TDRD5: variants seen among roughly 807,000 people sequenced by gnomAD.
TDRD5 encodes tudor domain containing 5, also known as tudor domain-containing protein 5.
TDRD5 carries 41 observed loss-of-function variants against 120.6 expected under a neutral mutation model. That is an observed-to-expected ratio of 0.34 (90% CI 0.26 to 0.44). TDRD5 has a LOEUF of 0.44. Among genes scored for constraint, TDRD5 ranks in the 20% least tolerant of loss-of-function variants. TDRD5 has a pLI of 1.00. For synonymous variants in TDRD5, 430 were observed against 433.7 expected (o/e 0.99, Z 0.11); for missense variants, 1,006 against 1,221.2 (o/e 0.82, Z 2.63).
chr1:179,663,944 C>T (rs1679441433), intron 16 of TDRD5, among the ~76,000 whole-genome samples: 1 of 152,154 alleles, frequency 6.6e-6, no homozygotes, highest in African/African-American at 2.4e-5. Flanking sequence ...AAGCAGTAAT[C>T]CTGGCATAGA....
At chr1:179,679,778 C>T (rs1396351455) in intron 17 of TDRD5, among the ~76,000 whole-genome samples, 1 of 151,826 alleles carries the variant, frequency 6.6e-6, no homozygotes, top group Non-Finnish European at 1.5e-5. Context: ...TCTCAAATAA[C>T]CAGATTTTTG....
chr1:179,628,333 T>C (rs1188177694), intron 6 of TDRD5, among the ~76,000 whole-genome samples: 15 of 140,386 alleles, frequency 1.1e-4, no homozygotes, highest in Admixed American at 8.4e-4. Context: ...TCTTTTTTTT[T>C]TTTTTTTTTT....
chr1:179,634,362 G>C, intron 7 of TDRD5, 95 bp from the exon 8 acceptor site: 1 of 1,317,692 alleles, frequency 7.6e-7, no homozygotes, highest in Non-Finnish European at 1.0e-6. Flanking sequence ...AAGGTGCTTA[G>C]TAATGGTTGT....
chr1:179,600,082 G>A (rs1274400186), intron 4 of TDRD5, among the ~76,000 whole-genome samples: 2 of 152,038 alleles, frequency 1.3e-5, no homozygotes, highest in African/African-American at 2.4e-5. Context: ...CAGAAGGAAG[G>A]CATTGTTATC....
chr1:179,592,415 C>T (rs1396947062), intron 1 of TDRD5, 187 bp from the exon 2 acceptor site: 20 of 553,398 alleles, frequency 3.6e-5, no homozygotes, highest in Non-Finnish European at 9.7e-6. Context: ...GCTTAATCAA[C>T]GCAGGTGGAG....
At chr1:179,667,162 T>C (rs1303102353) in intron 16 of TDRD5, among the ~76,000 whole-genome samples, 2 of 152,196 alleles carry the variant, frequency 1.3e-5, no homozygotes, top group Admixed American at 1.3e-4. Flanking sequence ...CACTTTTGAG[T>C]AGTAAGGCTC....
chr1:179,607,197 T>G (rs1469558187), intron 4 of TDRD5, among the ~76,000 whole-genome samples: 1 of 152,162 alleles, frequency 6.6e-6, no homozygotes, highest in East Asian at 1.9e-4. Context: ...GGAGTGCTAA[T>G]GTAAATAGTA....
intron 16 of TDRD5, among the ~76,000 whole-genome samples, 159 bp from the exon 17 acceptor site, chr1:179,669,035 C>T (rs1234010306): frequency 6.6e-6 from 1 of 151,942 alleles, no homozygotes; most frequent in Non-Finnish European, 1.5e-5. Flanking sequence ...TGAGCCACCG[C>T]GCCCGGCTGA....
chr1:179,620,791 G>A (rs1676798180), intron 5 of TDRD5, among the ~76,000 whole-genome samples: 1 of 152,018 alleles, frequency 6.6e-6, no homozygotes, highest in Non-Finnish European at 1.5e-5. Flanking sequence ...CTGGAGAGTT[G>A]TGGTATTGCA....
In TDRD5 at chr1:179,669,392, C is replaced by T. The variant is rs1679739380; in HGVS notation, c.2848C>T (p.Pro950Ser). ...TGCAGTGGATGATTCCGCAGAAAAG[C>T]CCTCTGGTTCTGGTATGTTTGTGTG... ...TTAVDDSAEK[P>S]SGSVESSPEI... The change falls in exon 17 of 18, where the codon CCC (proline) becomes TCC (serine). Residue 950 changes from proline to serine, a missense_variant. Transcript: ENST00000444136. 1 of 1,613,962 alleles carries T rather than the reference C, an allele frequency of 6.2e-7. No individual in the cohort carries two copies. The highest frequency in any genetic ancestry group is 8.5e-7 in the Non-Finnish European group (1 of 1,179,968).
chr1:179,659,892 C>T (rs1021084692), intron 14 of TDRD5, among the ~76,000 whole-genome samples: 6 of 151,896 alleles, frequency 4.0e-5, no homozygotes, highest in African/African-American at 1.5e-4. Context: ...GATGGGATTT[C>T]TCCATGTTGG....
chr1:179,628,347 T>C (rs1187067093), intron 6 of TDRD5, among the ~76,000 whole-genome samples: 106 of 136,516 alleles, frequency 7.8e-4, no homozygotes, highest in Non-Finnish European at 1.5e-3. Flanking sequence ...TTTTTTTTTT[T>C]TTTAAGACGG....
At chr1:179,627,045 A>C (rs1677167604) in intron 6 of TDRD5, among the ~76,000 whole-genome samples, 1 of 152,214 alleles carries the variant, frequency 6.6e-6, no homozygotes, top group Admixed American at 6.5e-5. Context: ...GTGACTTATA[A>C]AGGAAACAAA....
At chr1:179,636,385 A>G (rs1004013505) in intron 9 of TDRD5, among the ~76,000 whole-genome samples, 5 of 152,248 alleles carry the variant, frequency 3.3e-5, no homozygotes, top group African/African-American at 1.2e-4. Flanking sequence ...AACTTTTTAT[A>G]GTCTATTATG....
In TDRD5 at chr1:179,663,509, G is replaced by A. The variant is rs1679418889; in HGVS notation, c.2649+18G>A. The stretch of plus-strand genomic sequence containing the variant: ...CTCAAAAGGTAAATGTCTAATGCAG[G>A]TTATTGGGACAGGTTTGCATAAGGA... On this transcript the variant is annotated intron_variant, in intron 16 of 17. Transcript: ENST00000444136. 3 of 1,597,964 alleles carry A rather than the reference G, an allele frequency of 1.9e-6. No individual in the cohort carries two copies. The highest frequency in any genetic ancestry group is 2.6e-6 in the Non-Finnish European group (3 of 1,174,922).
chr1:179,652,230 T>G (rs777164717), intron 13 of TDRD5, 33 bp downstream of exon 13: 1 of 1,558,392 alleles, frequency 6.4e-7, no homozygotes, highest in Non-Finnish European at 8.6e-7. Context: ...ATTATAATTC[T>G]TTTTATTACT....
intron 13 of TDRD5, among the ~76,000 whole-genome samples, chr1:179,653,490 TG>T (rs1678829612): frequency 6.6e-6 from 1 of 152,190 alleles, no homozygotes; most frequent in African/African-American, 2.4e-5. Context: ...TAATGAAGCT[TG>T]TATGCCCATA....
intron 16 of TDRD5, among the ~76,000 whole-genome samples, chr1:179,665,943 G>A (rs540407955): frequency 6.6e-6 from 1 of 152,150 alleles, no homozygotes; most frequent in East Asian, 1.9e-4. Flanking sequence ...TCTTTCTACT[G>A]GAGTGTTCTC....
chr1:179,627,200 T>G (rs1677176264), intron 6 of TDRD5, among the ~76,000 whole-genome samples: 1 of 152,158 alleles, frequency 6.6e-6, no homozygotes, highest in South Asian at 2.1e-4. Context: ...ATTACCACCA[T>G]GCAAGAATTC....
Sources: gnomAD v4.1 joint callset for allele counts (sites outside exome capture counted in the v4.1 genomes callset) on GRCh38, gnomAD v4.1.1 for gene constraint, MANE v1.5 for transcripts, NCBI Gene and HGNC (gene_info 2026-07-23, HGNC 2026-07-21) for gene names.